The following LRRC73 variants were observed in gnomAD, a reference collection of about 807,000 sequenced individuals.
The protein encoded by LRRC73 is leucine-rich repeat-containing protein 73.
LRRC73 carries 16 observed loss-of-function variants against 26.4 expected under a neutral mutation model. The observed-to-expected ratio is 0.61, with a 90% confidence interval of 0.41 to 0.92. The LOEUF is 0.92. Ranked by LOEUF, LRRC73 falls within the 40% of genes least tolerant of loss-of-function variation. The pLI is 0.00. For missense variants in LRRC73, 344 were observed against 416.3 expected (o/e 0.83, Z 1.51); for synonymous variants, 210 against 179.8 (o/e 1.17, Z -1.34).
chr6:43,507,901 A>G, exon 4 of LRRC73: 1 of 1,613,932 alleles, frequency 6.2e-7, no homozygotes, highest in Non-Finnish European at 8.5e-7. Flanking sequence ...CCACAGCTAC[A>G]GCCAGCATTC....
chr6:43,509,937 CGGCTGCGGCGGA>C (rs939749720), exon 1 of LRRC73: 50 of 533,490 alleles, frequency 9.4e-5, no homozygotes, highest in South Asian at 2.4e-4. Context: ...GCGGAGGCTG[CGGCTGCGGCGGA>C]GGCTGCGGCG....
intron 5 of LRRC73, 35 bp from the exon 6 acceptor site, chr6:43,507,343 TC>T (rs1417319724): frequency 1.2e-6 from 2 of 1,613,016 alleles, no homozygotes; most frequent in East Asian, 2.2e-5. Flanking sequence ...AGACCACCAT[TC>T]CTTCCTCCAA....
exon 6 of LRRC73, chr6:43,507,146 C>T (rs1160693882): frequency 1.2e-5 from 17 of 1,376,918 alleles, no homozygotes; most frequent in African/African-American, 2.8e-5. Flanking sequence ...GACCCCAGTT[C>T]CCTCCCAAGT....
intron 1 of LRRC73, 96 bp from the exon 2 acceptor site, chr6:43,509,016 G>T: frequency 7.6e-7 from 1 of 1,312,810 alleles, no homozygotes; most frequent in South Asian, 1.7e-5. Context: ...GGTATGGGGA[G>T]GGCAGTCACA....
rs918592656 is a variant in LRRC73 at position 43,509,911 on chromosome 6, G to A, written c.-126C>T. The A allele has an allele frequency of 1.3e-5, 10 of 751,456 alleles. No homozygotes were observed. In the East Asian group the frequency reaches 2.1e-4, roughly 16 times the overall value. 46.5% of individuals were successfully genotyped at this position (751,456 alleles called of 1,614,324 possible). A position where few individuals can be genotyped will look rare whatever the true frequency, so the allele number is the denominator to read the frequency against. On this transcript the variant is annotated 5_prime_UTR_variant, in exon 1 of 6. Transcript: ENST00000372441. ...TCGCGGGCGGAGTGGGGCCGGGGGT[G>A]GAGGCGGCGGCTGTGGCGGAGGCTG...
chr6:43,509,374 A>T, intron 1 of LRRC73, 140 bp downstream of exon 1: 1 of 1,127,160 alleles, frequency 8.9e-7, no homozygotes. Flanking sequence ...CTGTGAAGGC[A>T]TGGGCCGAGG....
At chr6:43,509,840 G>T in exon 1 of LRRC73, 2 of 1,402,604 alleles carry the variant, frequency 1.4e-6, no homozygotes, top group Non-Finnish European at 9.2e-7. Context: ...TGGTGGGGCC[G>T]CGGGCGGGGC....
Position 43,508,940 on chromosome 6 carries a change from C to A in LRRC73, c.273-20G>T. 2 of 1,574,000 alleles carry A rather than the reference C, an allele frequency of 1.3e-6. No homozygotes were observed. Among genetic ancestry groups the A allele is most frequent in the African/African-American group, 2.7e-5 (2 of 74,108 alleles). On this transcript the variant is annotated intron_variant, in intron 1 of 5. Transcript: ENST00000372441. The stretch of plus-strand genomic sequence containing the variant: ...TGCAGGCTGGAGGAGAGTGAGAGAG[C>A]AGGGTTACTGCAGTCCTCCGCACTA...
intron 2 of LRRC73, 87 bp from the exon 3 acceptor site, chr6:43,508,507 T>C: frequency 6.3e-7 from 1 of 1,580,374 alleles, no homozygotes; most frequent in South Asian, 1.1e-5. Flanking sequence ...CTCTGGGGTG[T>C]CCCTAGTGGC....
intron 1 of LRRC73, among the ~76,000 whole-genome samples, chr6:43,509,151 G>C (rs538281658): frequency 6.6e-6 from 1 of 152,242 alleles, no homozygotes; most frequent in Non-Finnish European, 1.5e-5. Flanking sequence ...GGGCAGAGAA[G>C]GGGTGGGTGG....
At position 43,507,694 on chromosome 6, in the gene LRRC73, A is replaced by G. The variant is rs1314781879; in HGVS notation, c.658-16T>C. ...CCAGCAGGGTCTGAAGTGGGGAAGA[A>G]TATGGAAAAGGATGAACACAGTTAA... On this transcript the variant is annotated splice_polypyrimidine_tract_variant and intron_variant, in intron 4 of 5. Coordinates refer to ENST00000372441, the Ensembl canonical transcript of LRRC73. 6.2e-7 allele frequency: 1 copy of G among 1,612,648 alleles called. No homozygotes were observed. The highest frequency in any genetic ancestry group is 8.5e-7 in the Non-Finnish European group (1 of 1,178,890).
At chr6:43,507,600 G>C in exon 5 of LRRC73, 1 of 1,614,090 alleles carries the variant, frequency 6.2e-7, no homozygotes, top group Non-Finnish European at 8.5e-7. Context: ...TGTTGCTGCA[G>C]CTCTGGGCTA....
At chr6:43,507,948 A>C in intron 3 of LRRC73, 22 bp from the exon 4 acceptor site, 2 of 1,579,280 alleles carry the variant, frequency 1.3e-6, no homozygotes, top group Non-Finnish European at 1.7e-6. Flanking sequence ...ACACACGTGC[A>C]CACATTCATA....
chr6:43,509,658 C>A, exon 1 of LRRC73: 1 of 1,597,206 alleles, frequency 6.3e-7, no homozygotes, highest in South Asian at 1.1e-5. Context: ...GCCAAAGTCG[C>A]GGTCGCAGAG....
chr6:43,507,349 C>G (rs773724447), intron 5 of LRRC73, 41 bp from the exon 6 acceptor site: 2 of 1,612,066 alleles, frequency 1.2e-6, no homozygotes, highest in Admixed American at 3.3e-5. Flanking sequence ...CCATTCCTTC[C>G]TCCAATGGGG....
Position 43,508,907 on chromosome 6 carries a change from G to T in LRRC73, c.286C>A (p.Pro96Thr), listed in dbSNP as rs759035607. Residue 96 changes from proline (P) to threonine (T), a missense_variant, in exon 2 of 6, where the codon CCC becomes ACC. Physicochemically the swap from Pro to Thr is conservative, Grantham distance 38. Coordinates refer to ENST00000372441, the Ensembl canonical transcript of LRRC73. ...AAGGCCAGCCCCGCATCTGTCAGGG[G>T]GCTCCCATGCAGGCTGGAGGAGAGT... The T allele has an allele frequency of 5.6e-6, 9 of 1,606,306 alleles. No individual in the cohort carries two copies. In the East Asian group the frequency reaches 1.8e-4, roughly 32 times the overall value.
chr6:43,509,774 G>A, exon 1 of LRRC73: 1 of 1,572,898 alleles, frequency 6.4e-7, no homozygotes, highest in Non-Finnish European at 8.6e-7. Context: ...TCTGGATGGA[G>A]CTGGGCAGCA....
exon 6 of LRRC73, chr6:43,507,077 T>C (rs1443965119): frequency 2.8e-6 from 2 of 721,502 alleles, no homozygotes; most frequent in African/African-American, 3.5e-5. Flanking sequence ...CAGTCACAGC[T>C]TCCAGAGCTT....
exon 3 of LRRC73, chr6:43,508,409 G>A: frequency 6.2e-7 from 1 of 1,613,604 alleles, no homozygotes; most frequent in South Asian, 1.1e-5. Flanking sequence ...CTCAGCGTTA[G>A]CTCCTTCAAG....
Sources: allele counts gnomAD v4.1 joint callset (sites outside exome capture counted in the v4.1 genomes callset), GRCh38; gene constraint gnomAD v4.1.1; transcripts MANE v1.5; gene names NCBI Gene and HGNC (gene_info 2026-07-23, HGNC 2026-07-21).